TRAP1: variants seen among roughly 807,000 people sequenced by gnomAD.
The protein encoded by TRAP1 is heat shock protein 75 kDa, mitochondrial.
A neutral mutation model predicts 89.1 loss-of-function variants in TRAP1; 102 were observed. That is an observed-to-expected ratio of 1.15 (90% CI 0.98 to 1.35). The LOEUF is 1.35. Among genes scored for constraint, TRAP1 ranks in the 40% most tolerant of loss-of-function variants. The pLI is 0.00. For missense variants in TRAP1, 1,256 were observed against 945.3 expected, an observed-to-expected ratio of 1.33 and a Z score of -4.31; for synonymous variants, 508 against 388.0, an observed-to-expected ratio of 1.31 and a Z score of -3.64.
At chr16:3,709,037 G>C (rs548452270) in intron 1 of TRAP1, among the ~76,000 whole-genome samples, 12 of 151,664 alleles carry the variant, frequency 7.9e-5, no homozygotes, top group African/African-American at 2.9e-4. Flanking sequence ...GGATGGTCTC[G>C]ATCTCCTGAC....
intron 1 of TRAP1, among the ~76,000 whole-genome samples, chr16:3,692,386 G>C (rs1194476047): frequency 6.6e-6 from 1 of 151,566 alleles, no homozygotes; most frequent in African/African-American, 2.4e-5. Context: ...AAATACAAAA[G>C]TTAGCCGGGC....
chr16:3,713,983 T>C (rs2051564976), intron 1 of TRAP1, among the ~76,000 whole-genome samples: 1 of 152,200 alleles, frequency 6.6e-6, no homozygotes, highest in Non-Finnish European at 1.5e-5. Flanking sequence ...TCATTCACCA[T>C]CACTCCTGCA....
chr16:3,660,664 T>C (rs1375381481), intron 16 of TRAP1: 1 of 152,054 alleles, frequency 6.6e-6, no homozygotes, highest in Non-Finnish European at 1.5e-5. Flanking sequence ...TCCCCAGGAG[T>C]GCCATGGCTA....
intron 1 of TRAP1, among the ~76,000 whole-genome samples, chr16:3,707,725 G>A (rs1452156606): frequency 6.6e-6 from 1 of 151,382 alleles, no homozygotes; most frequent in East Asian, 2.0e-4. Context: ...GTCGCAGCGG[G>A]CATCTGTAAT....
At chr16:3,700,264 T>A (rs2051347836) in intron 1 of TRAP1, among the ~76,000 whole-genome samples, 1 of 150,716 alleles carries the variant, frequency 6.6e-6, no homozygotes. Context: ...TCCTCCCGGG[T>A]TCAAGCGATT....
chr16:3,702,817 C>T (rs1462439654), intron 1 of TRAP1, among the ~76,000 whole-genome samples: 1 of 151,430 alleles, frequency 6.6e-6, no homozygotes, highest in Non-Finnish European at 1.5e-5. Context: ...CTGTGGTAGG[C>T]GGATCACCTG....
At chr16:3,707,535 A>T (rs994973079) in intron 1 of TRAP1, among the ~76,000 whole-genome samples, 2 of 151,862 alleles carry the variant, frequency 1.3e-5, no homozygotes, top group Non-Finnish European at 2.9e-5. Flanking sequence ...GGCCATAAAT[A>T]TAAGGACCAC....
intron 4 of TRAP1, chr16:3,680,179 G>C (rs1009990078): frequency 7.6e-5 from 14 of 183,492 alleles, no homozygotes; most frequent in Non-Finnish European, 8.2e-5. Context: ...AGACTGCAGT[G>C]AACTGAGATT....
chr16:3,711,064 T>TG (rs1567248481), intron 1 of TRAP1, among the ~76,000 whole-genome samples: 1 of 147,220 alleles, frequency 6.8e-6, no homozygotes, highest in Non-Finnish European at 1.5e-5. Context: ...TTGGTAGAGA[T>TG]GGGGGTCTCT....
intron 9 of TRAP1, among the ~76,000 whole-genome samples, chr16:3,673,742 G>T (rs2050947775): frequency 5.9e-5 from 9 of 152,174 alleles, no homozygotes. Flanking sequence ...AAGAGCCTGG[G>T]GGCAGGACGG....
Position 3,675,405 on chromosome 16 carries a change from G to T in TRAP1, c.815-8C>A. 1 of 1,613,900 alleles carries T rather than the reference G, an allele frequency of 6.2e-7. No homozygotes were observed. Among genetic ancestry groups the T allele is most frequent in the South Asian group, 1.1e-5 (1 of 91,062 alleles). ...TGTACTTCGTTACCACATCTGGAAGGGACAAAAGAAAAACCACACTGCATC... is the reference window on the plus strand; with the variant it reads ...TGTACTTCGTTACCACATCTGGAAGTGACAAAAGAAAAACCACACTGCATC... On this transcript the variant is annotated splice_region_variant and splice_polypyrimidine_tract_variant and intron_variant, in intron 7 of 17. Coordinates refer to ENST00000246957, the MANE Select transcript of TRAP1 (RefSeq NM_016292.3).
intron 16 of TRAP1, 70 bp from the exon 17 acceptor site, chr16:3,658,935 G>GATTATCAGGATATTTAAAGAAGCAC: frequency 6.7e-7 from 1 of 1,502,534 alleles, no homozygotes; most frequent in Non-Finnish European, 9.2e-7. Context: ...CATGTTTTGG[G>GATTATCAGGATATTTAAAGAAGCAC]ATTATCAGGA....
In TRAP1 at chr16:3,677,505, A is replaced by G; in HGVS notation, c.697T>C (p.Ser233Pro). 1.2e-6 allele frequency: 2 copies of G among 1,614,194 alleles called. No homozygotes were observed. The highest frequency in any genetic ancestry group is 1.7e-6 in the Non-Finnish European group (2 of 1,180,044). ...GCGACATTCGTCACTCACCCATCTGAAAGCCACTGGTAACCCAGGCTCCCC... is the reference window on the plus strand; with the variant it reads ...GCGACATTCGTCACTCACCCATCTGGAAGCCACTGGTAACCCAGGCTCCCC... Reference protein sequence around the residue: ...APGSLGYQWLSDGSGVFEIAE... With the variant: ...APGSLGYQWLPDGSGVFEIAE... The change falls in exon 6 of 18, where the codon TCA (serine) becomes CCA (proline). Residue 233 changes from serine to proline, a missense_variant. Ser to Pro is a moderately conservative substitution (Grantham distance 74, BLOSUM62 -1). Transcript: ENST00000246957.
chr16:3,684,107 A>T (rs998445437), intron 4 of TRAP1, among the ~76,000 whole-genome samples: 2 of 152,164 alleles, frequency 1.3e-5, no homozygotes, highest in Non-Finnish European at 2.9e-5. Context: ...CAGAGGCCTC[A>T]CTGCAGTGAG....
chr16:3,671,672 G>A (rs745431961), intron 11 of TRAP1, 50 bp downstream of exon 11: 4 of 1,589,304 alleles, frequency 2.5e-6, no homozygotes, highest in Non-Finnish European at 3.4e-6. Flanking sequence ...AAAGGAGCAG[G>A]TAGGGGCCTT....
At position 3,690,870 on chromosome 16, in the gene TRAP1, C is replaced by T. The variant is rs1377137288; in HGVS notation, c.204G>A (p.Glu68=). The stretch of plus-strand genomic sequence containing the variant: ...TGCTGATAATCGAGTGCAGGGGTTC[C>T]TCCTTGTCCTCGGCGGTCTGCGTGC... ...LFSTQTAEDK[E]EPLHSIISST... Residue 68 remains glutamate (E), a synonymous_variant, in exon 2 of 18, where the codon GAG becomes GAA. Coordinates refer to ENST00000246957, the MANE Select transcript of TRAP1 (RefSeq NM_016292.3). 3 of 1,578,548 alleles carry T rather than the reference C, an allele frequency of 1.9e-6. No individual in the cohort carries two copies. Among genetic ancestry groups the T allele is most frequent in the Non-Finnish European group, 2.6e-6 (3 of 1,162,496 alleles).
rs755380769 is a variant in TRAP1 at position 3,663,421 on chromosome 16, G to T, written c.1708+3C>A. ...CCACGCCTAGAGAGCAGGGGATGCC[G>T]ACCTGGGGACCTGTCCTCAAACTTC... On this transcript the variant is annotated splice_donor_region_variant and intron_variant, in intron 14 of 17. Coordinates refer to ENST00000246957, the MANE Select transcript of TRAP1 (RefSeq NM_016292.3). 1 of 1,613,906 alleles carries T rather than the reference G, an allele frequency of 6.2e-7. No individual in the cohort carries two copies. Among genetic ancestry groups the T allele is most frequent in the African/African-American group, 1.3e-5 (1 of 74,898 alleles).
In TRAP1 at chr16:3,664,427, G is replaced by A; in HGVS notation, c.1416C>T (p.Ser472=). The A allele has an allele frequency of 6.2e-7, 1 of 1,612,340 alleles. No homozygotes were observed. Among genetic ancestry groups the A allele is most frequent in the Non-Finnish European group, 8.5e-7 (1 of 1,179,446 alleles). Residue 472 remains serine, a synonymous_variant, in exon 13 of 18, where the codon TCC becomes TCT. Coordinates refer to ENST00000246957, the MANE Select transcript of TRAP1 (RefSeq NM_016292.3). The part of the protein sequence containing the change: ...EDIAKLLRYE[S]SALPSGQLTS... ...TTAGCTGCCCGGAGGGCAGCGCCGA[G>A]GACTCGTAGCGCAGCAGCTTTGCTA...
rs759275083 is a variant in TRAP1 at position 3,686,037 on chromosome 16, G to C, written c.430C>G (p.His144Asp). Residue 144 changes from histidine to aspartate, a missense_variant, in exon 4 of 18, where the codon CAC becomes GAC. Coordinates refer to ENST00000246957, the MANE Select transcript of TRAP1 (RefSeq NM_016292.3). The stretch of plus-strand genomic sequence containing the variant: ...CCTTTCTCGGCATTGGTCTGCAAGT[G>C]AATCTCCATTTCTGGCAGTGCTTGG... The part of the protein sequence containing the change: ...DGQALPEMEI[H>D]LQTNAEKGTI... 29 of 1,613,982 alleles carry C rather than the reference G, an allele frequency of 1.8e-5. No individual in the cohort carries two copies. Among genetic ancestry groups the C allele is most frequent in the Non-Finnish European group, 2.4e-5 (28 of 1,180,026 alleles).
Sources: gnomAD v4.1 joint callset for allele counts (sites outside exome capture counted in the v4.1 genomes callset) on GRCh38, gnomAD v4.1.1 for gene constraint, MANE v1.5 for transcripts, NCBI Gene and HGNC (gene_info 2026-07-23, HGNC 2026-07-21) for gene names.